Variants in FBXO3 observed in about 807,000 individuals in gnomAD.
FBXO3 encodes F-box only protein 3.
In FBXO3, 17 loss-of-function variants were observed where a neutral mutation model predicts 64.8. The observed-to-expected ratio is 0.26, with a 90% confidence interval of 0.18 to 0.39. The LOEUF is 0.39. FBXO3 is among the 10% of genes least tolerant of loss of function. FBXO3 has a pLI of 1.00. For missense variants in FBXO3, 420 were observed against 589.9 expected, an observed-to-expected ratio of 0.71 and a Z score of 2.98; for synonymous variants, 182 against 201.6, an observed-to-expected ratio of 0.90 and a Z score of 0.82.
At chr11:33,762,711 C>A (rs1590579992) in intron 3 of FBXO3, among the ~76,000 whole-genome samples, 1 of 133,562 alleles carries the variant, frequency 7.5e-6, no homozygotes. Context: ...ATGATCTAAG[C>A]AATGATCCCA....
intron 3 of FBXO3, among the ~76,000 whole-genome samples, chr11:33,762,165 G>C (rs1037212594): frequency 2.6e-5 from 4 of 152,102 alleles, no homozygotes; most frequent in Admixed American, 2.0e-4. Context: ...TGGGAATTTT[G>C]GGACTATCTC....
intron 3 of FBXO3, among the ~76,000 whole-genome samples, chr11:33,764,444 G>A (rs1428553781): frequency 6.6e-6 from 1 of 152,102 alleles, no homozygotes; most frequent in African/African-American, 2.4e-5. Context: ...AATGAGTTGT[G>A]CACTTACAAT....
At chr11:33,749,786 C>T (rs922106512) in intron 8 of FBXO3, among the ~76,000 whole-genome samples, 13 of 152,248 alleles carry the variant, frequency 8.5e-5, no homozygotes, top group African/African-American at 3.1e-4. Flanking sequence ...ATTTTGAGCA[C>T]ATCTCAATCC....
chr11:33,764,409 G>A (rs1002054456), intron 3 of FBXO3, among the ~76,000 whole-genome samples: 1 of 152,116 alleles, frequency 6.6e-6, no homozygotes, highest in Non-Finnish European at 1.5e-5. Flanking sequence ...GTGTTACAAT[G>A]GACATGTTTA....
intron 1 of FBXO3, 68 bp from the exon 2 acceptor site, chr11:33,770,898 A>G: frequency 8.0e-7 from 1 of 1,249,524 alleles, no homozygotes; most frequent in Non-Finnish European, 1.1e-6. Context: ...TAAAGATTAA[A>G]ATATTCATTG....
At chr11:33,774,233 G>T in intron 1 of FBXO3, 161 bp downstream of exon 1, 2 of 616,430 alleles carry the variant, frequency 3.2e-6, no homozygotes, top group Non-Finnish European at 5.5e-6. Flanking sequence ...CCCCCGTCTC[G>T]CCCCGGTCCC....
chr11:33,768,787 T>C (rs930226303), intron 3 of FBXO3, 64 bp downstream of exon 3: 4 of 1,584,186 alleles, frequency 2.5e-6, no homozygotes, highest in Non-Finnish European at 3.5e-6. Context: ...TCAAAGTTGT[T>C]TAAACTAACC....
intron 8 of FBXO3, 74 bp downstream of exon 8, chr11:33,750,465 A>G: frequency 6.5e-7 from 1 of 1,529,424 alleles, no homozygotes; most frequent in South Asian, 1.2e-5. Flanking sequence ...ATCATGTCAA[A>G]TGGGACAATA....
rs1170445394 is a variant in FBXO3, at chr11:33,757,656, TA to T, written c.473+830del. 5.5e-3 allele frequency among the ~76,000 whole-genome samples: 131 copies of T among 23,972 alleles called. 1 individual carries two copies. Among genetic ancestry groups the T allele is most frequent in the African/African-American group, 0.015 (95 of 6,436 alleles). 15.7% of individuals were successfully genotyped at this position (23,972 alleles called of 152,430 possible). On this transcript the variant is annotated intron_variant, in intron 4 of 10. Coordinates refer to ENST00000265651, the MANE Select transcript of FBXO3 (RefSeq NM_012175.4). ...GGCAACACACCAAGACACCATCTCTTAAAAAAAAAAAAAAAAAAAAAAAAAG... is the reference window on the plus strand; with the variant it reads ...GGCAACACACCAAGACACCATCTCTTAAAAAAAAAAAAAAAAAAAAAAAAG...
intron 6 of FBXO3, among the ~76,000 whole-genome samples, chr11:33,752,935 T>C (rs1487731713): frequency 6.6e-6 from 1 of 152,222 alleles, no homozygotes; most frequent in East Asian, 1.9e-4. Flanking sequence ...GAGTGTATTC[T>C]TTAAGATGAG....
At chr11:33,746,998 C>A in intron 10 of FBXO3, 132 bp downstream of exon 10, 1 of 1,493,672 alleles carries the variant, frequency 6.7e-7, no homozygotes, top group Non-Finnish European at 8.8e-7. Flanking sequence ...TTCACATGAC[C>A]CCCAAGATAC....
At chr11:33,767,605 T>A (rs1391883823) in intron 3 of FBXO3, 1 of 152,240 alleles carries the variant, frequency 6.6e-6, no homozygotes, top group Admixed American at 6.5e-5. Flanking sequence ...GGCCACAACT[T>A]ACTTAGTTTT....
chr11:33,755,077 G>A (rs1329498751), intron 5 of FBXO3, among the ~76,000 whole-genome samples: 1 of 151,812 alleles, frequency 6.6e-6, no homozygotes, highest in Non-Finnish European at 1.5e-5. Context: ...TCGCCATGAT[G>A]GCCAGGCTGG....
At chr11:33,762,569 A>G (rs1177789736) in intron 3 of FBXO3, among the ~76,000 whole-genome samples, 1 of 152,132 alleles carries the variant, frequency 6.6e-6, no homozygotes, top group Non-Finnish European at 1.5e-5. Context: ...GAAATCAAAG[A>G]AATCAGAAAA....
At chr11:33,758,660 T>C (rs1855167401) in intron 3 of FBXO3, 59 bp from the exon 4 acceptor site, 2 of 1,212,432 alleles carry the variant, frequency 1.6e-6, no homozygotes, top group Middle Eastern at 3.9e-4. Flanking sequence ...TAAGAAGAAA[T>C]GCAATCTATC....
In FBXO3 at chr11:33,746,625, G is replaced by T. The variant is rs770002915; in HGVS notation, c.1239+505C>A. On this transcript the variant is annotated intron_variant, in intron 10 of 10. Transcript: ENST00000265651. ...AATCATGTTATAGTCTCTAAGGTTG[G>T]AGTTACTGTTACACTTGTCATAAGG... 9 of 740,586 alleles carry T rather than the reference G, an allele frequency of 1.2e-5. No homozygotes were observed. In the South Asian group the frequency reaches 1.3e-4, roughly 11 times the overall value. 45.9% of individuals were successfully genotyped at this position (740,586 alleles called of 1,614,324 possible). A position where few individuals can be genotyped will look rare whatever the true frequency, so the allele number is the denominator to read the frequency against.
intron 9 of FBXO3, among the ~76,000 whole-genome samples, chr11:33,747,810 C>G (rs1241742436): frequency 2.0e-5 from 3 of 151,382 alleles, no homozygotes; most frequent in African/African-American, 7.3e-5. Context: ...CTGCGCTTAG[C>G]CCTCTCAACA....
At chr11:33,760,422 G>A (rs1855214249) in intron 3 of FBXO3, among the ~76,000 whole-genome samples, 1 of 151,926 alleles carries the variant, frequency 6.6e-6, no homozygotes, top group African/African-American at 2.4e-5. Context: ...GTGGGAGGGT[G>A]GCTTGAGGCC....
chr11:33,752,222 T>C (rs1854979102), intron 6 of FBXO3, among the ~76,000 whole-genome samples: 1 of 152,232 alleles, frequency 6.6e-6, no homozygotes, highest in Admixed American at 6.5e-5. Context: ...AAAGGATTAC[T>C]GGAACAGTCT....
Sources: allele counts gnomAD v4.1 joint callset (sites outside exome capture counted in the v4.1 genomes callset), GRCh38; gene constraint gnomAD v4.1.1; transcripts MANE v1.5; gene names NCBI Gene and HGNC (gene_info 2026-07-23, HGNC 2026-07-21).